Variants in VRK2 observed in about 807,000 individuals in gnomAD.
The protein encoded by VRK2 is serine/threonine-protein kinase VRK2.
A neutral mutation model predicts 57.6 loss-of-function variants in VRK2; 60 were observed. That is an observed-to-expected ratio of 1.04 (90% CI 0.85 to 1.29). The LOEUF (loss-of-function observed/expected upper bound fraction) is 1.29, where lower values mean the gene tolerates loss of function less well. Ranked by LOEUF, VRK2 falls within the 50% of genes most tolerant of loss-of-function variation. The probability of loss-of-function intolerance (pLI) is 0.00; values close to 1 mark genes in which losing one functional copy is unlikely to be tolerated. For missense variants in VRK2, 705 were observed against 588.1 expected, an observed-to-expected ratio of 1.20 and a Z score of -2.06; for synonymous variants, 231 against 199.2, an observed-to-expected ratio of 1.16 and a Z score of -1.35.
chr2:58,086,949 T>C (rs1236762104), intron 5 of VRK2, among the ~76,000 whole-genome samples: 1 of 152,176 alleles, frequency 6.6e-6, no homozygotes, highest in African/African-American at 2.4e-5. Context: ...TTATTCTCTT[T>C]GCTAGAAGCT....
At chr2:58,158,311 G>T (rs1400681345) in intron 12 of VRK2, among the ~76,000 whole-genome samples, 1 of 152,182 alleles carries the variant, frequency 6.6e-6, no homozygotes, top group African/African-American at 2.4e-5. Context: ...AGCTCAGAAA[G>T]AGTAGTTTAA....
At position 58,056,668 on chromosome 2, in the gene VRK2, T is replaced by G. The variant is rs528136137; in HGVS notation, c.136+7701T>G. Among the ~76,000 whole-genome samples the G allele has an allele frequency of 6.1e-4, 93 of 152,248 alleles. 1 individual carries two copies. Among genetic ancestry groups the G allele is most frequent in the African/African-American group, 2.2e-3 (90 of 41,554 alleles). ...GCATCACGTGTTTGAGGAACTAACA[T>G]TTTATATCCAGGGTTGGACTGGTTA... On this transcript the variant is annotated intron_variant, in intron 2 of 12. Transcript: ENST00000340157.
intron 2 of VRK2, among the ~76,000 whole-genome samples, chr2:58,027,358 G>A (rs1018618212): frequency 1.3e-5 from 2 of 152,076 alleles, no homozygotes; most frequent in African/African-American, 4.8e-5. Context: ...AAGGATCAGG[G>A]GTGGATAGTG....
At chr2:58,085,495 G>A (rs371778114) in intron 4 of VRK2, among the ~76,000 whole-genome samples, 2 of 151,882 alleles carry the variant, frequency 1.3e-5, no homozygotes, top group Non-Finnish European at 2.9e-5. Flanking sequence ...AATGGGAAAT[G>A]AATATAAGCA....
At chr2:58,126,607 T>G (rs1678386329) in intron 8 of VRK2, among the ~76,000 whole-genome samples, 3 of 152,150 alleles carry the variant, frequency 2.0e-5, no homozygotes, top group Non-Finnish European at 4.4e-5. Flanking sequence ...TCTGCATATC[T>G]GTATGTTTTT....
intron 1 of VRK2, among the ~76,000 whole-genome samples, chr2:57,996,018 TAAA>T (rs1308193706): frequency 6.6e-6 from 1 of 152,120 alleles, no homozygotes; most frequent in Admixed American, 6.5e-5. Flanking sequence ...ATAATACAAA[TAAA>T]AACAATACAG....
chr2:58,050,690 A>T (rs146193161), intron 2 of VRK2, among the ~76,000 whole-genome samples: 1 of 152,316 alleles, frequency 6.6e-6, no homozygotes, highest in Admixed American at 6.5e-5. Flanking sequence ...TAAATAGTGT[A>T]TGTCTGTATA....
chr2:58,115,801 C>A (rs1008398241), intron 7 of VRK2, among the ~76,000 whole-genome samples: 3 of 152,138 alleles, frequency 2.0e-5, no homozygotes. Context: ...GGCAGTACAG[C>A]CCAGGTAATT....
chr2:57,952,078 A>G (rs1290422487), intron 1 of VRK2, among the ~76,000 whole-genome samples: 2 of 151,672 alleles, frequency 1.3e-5, no homozygotes, highest in Non-Finnish European at 2.9e-5. Context: ...AAATTAAGAC[A>G]TATATATCTA....
At chr2:58,129,754 A>T (rs931571724) in intron 8 of VRK2, among the ~76,000 whole-genome samples, 5 of 152,152 alleles carry the variant, frequency 3.3e-5, no homozygotes, top group African/African-American at 4.8e-5. Flanking sequence ...CTTTTCTGAG[A>T]GGGAATTTCA....
chr2:58,104,407 A>G (rs1485996802), intron 7 of VRK2, among the ~76,000 whole-genome samples: 1 of 151,888 alleles, frequency 6.6e-6, no homozygotes, highest in Non-Finnish European at 1.5e-5. Flanking sequence ...TAGTATTTCT[A>G]TACACCAATA....
rs141100468 is a variant in VRK2 at position 58,120,420 on chromosome 2, A to T, written c.544-2681A>T. Among the ~76,000 whole-genome samples, 913 of 151,586 alleles carry T rather than the reference A, an allele frequency of 6.0e-3. 8 individuals are homozygous for T. The highest frequency in any genetic ancestry group is 0.021 in the African/African-American group (859 of 41,344). ...TGGCCAGGCTGGTCTTGAACTCCTG[A>T]CCTCAAGTGATCTGCCTACCTTGGC... On this transcript the variant is annotated intron_variant, in intron 7 of 12. Transcript: ENST00000340157.
At chr2:58,084,657 G>A (rs1409433123) in intron 3 of VRK2, among the ~76,000 whole-genome samples, 1 of 151,850 alleles carries the variant, frequency 6.6e-6, no homozygotes, top group African/African-American at 2.4e-5. Flanking sequence ...GTGTAAGACT[G>A]TATAGGGATA....
chr2:57,946,290 C>T (rs183560726), intron 1 of VRK2, among the ~76,000 whole-genome samples: 1 of 151,688 alleles, frequency 6.6e-6, no homozygotes, highest in East Asian at 1.9e-4. Context: ...CTATGAGAAG[C>T]CATGAACAAC....
chr2:58,137,224 C>CATATATGATACATGTATCAT (rs147019487), intron 10 of VRK2, among the ~76,000 whole-genome samples: 9 of 65,142 alleles, frequency 1.4e-4, no homozygotes, highest in Non-Finnish European at 1.5e-4. Flanking sequence ...ACATATATAT[C>CATATATGATACATGTATCAT]ATATGATACA....
chr2:57,966,252 G>A (rs1257220925), intron 1 of VRK2, among the ~76,000 whole-genome samples: 2 of 152,154 alleles, frequency 1.3e-5, no homozygotes, highest in East Asian at 1.9e-4. Flanking sequence ...GATGATTTGC[G>A]CACAGTGGGT....
chr2:57,932,708 T>C (rs1670768703), intron 1 of VRK2, among the ~76,000 whole-genome samples: 1 of 152,126 alleles, frequency 6.6e-6, no homozygotes, highest in African/African-American at 2.4e-5. Context: ...TCTTTATTAT[T>C]TCCTTTATTC....
At chr2:58,065,777 C>T (rs1200485484) in intron 2 of VRK2, among the ~76,000 whole-genome samples, 1 of 152,040 alleles carries the variant, frequency 6.6e-6, no homozygotes, top group Non-Finnish European at 1.5e-5. Context: ...TCCCTGATTT[C>T]TTATATCAGC....
intron 1 of VRK2, among the ~76,000 whole-genome samples, chr2:57,974,103 C>G (rs1672174984): frequency 6.6e-6 from 1 of 151,724 alleles, no homozygotes; most frequent in Admixed American, 6.6e-5. Flanking sequence ...TTAAAGAATG[C>G]TGGGAAAGAT....
Sources: gnomAD v4.1 joint callset for allele counts (sites outside exome capture counted in the v4.1 genomes callset) on GRCh38, gnomAD v4.1.1 for gene constraint, MANE v1.5 for transcripts, NCBI Gene and HGNC (gene_info 2026-07-23, HGNC 2026-07-21) for gene names.